Variants in TTC28 observed in about 807,000 individuals in gnomAD.
TTC28 encodes the protein tetratricopeptide repeat protein 28.
In TTC28, 61 loss-of-function variants were observed where a neutral mutation model predicts 198.0. That is an observed-to-expected ratio of 0.31 (90% CI 0.25 to 0.38). The LOEUF (loss-of-function observed/expected upper bound fraction) is 0.38. Ranked by LOEUF, TTC28 falls within the 10% of genes least tolerant of loss-of-function variation. The pLI is 1.00. For synonymous variants in TTC28, 1,171 were observed against 1,297.8 expected, an observed-to-expected ratio of 0.90 and a Z score of 2.10; for missense variants, 2,678 against 3,164.0, an observed-to-expected ratio of 0.85 and a Z score of 3.69.
At position 28,163,195 on chromosome 22, in the gene TTC28, G is replaced by A. The variant is rs1569171244; in HGVS notation, c.1338C>T (p.Cys446=). 3 of 1,551,706 alleles carry A rather than the reference G, an allele frequency of 1.9e-6. No homozygotes were observed. The East Asian group carries it at 7.3e-5, about 38-fold the overall frequency. The change falls in exon 6 of 23, where the codon TGC becomes TGT. Residue 446 remains cysteine, a synonymous_variant. Transcript: ENST00000397906. ...GTTTAGCTCTCTCCAAATCCTGCAT[G>A]CACCTGGCAGCATGGCCTAGTCCAG... The part of the protein sequence containing the change: ...AYAGLGHAAR[C]MQDLERAKQY...
chr22:28,498,135 C>A (rs1330268765), intron 2 of TTC28, among the ~76,000 whole-genome samples: 4 of 149,764 alleles, frequency 2.7e-5, no homozygotes, highest in African/African-American at 9.8e-5. Flanking sequence ...CCTGAGCCTT[C>A]CGTTAAAAAA....
At chr22:28,592,272 A>G (rs58542867) in intron 2 of TTC28, among the ~76,000 whole-genome samples, 20,709 of 151,912 alleles carry the variant, frequency 0.14, 1,659 homozygotes, top group African/African-American at 0.2. Context: ...GATAGCTTGA[A>G]CCCAAAAGTG....
intron 12 of TTC28, among the ~76,000 whole-genome samples, chr22:28,044,313 G>A (rs903477654): frequency 6.6e-6 from 1 of 152,078 alleles, no homozygotes; most frequent in Non-Finnish European, 1.5e-5. Flanking sequence ...GAAGGCAAAC[G>A]ATACATTAAC....
At chr22:28,169,218 G>A (rs897080996) in intron 5 of TTC28, among the ~76,000 whole-genome samples, 7 of 152,216 alleles carry the variant, frequency 4.6e-5, no homozygotes, top group South Asian at 4.1e-4. Context: ...CTTTTACACT[G>A]TTGGTGGGAC....
rs150259300 is a variant in TTC28, at chr22:28,222,794, G to C, written c.934-59195C>G. The stretch of plus-strand genomic sequence containing the variant: ...ATACTCAAGGTGACCCCAACAAGGA[G>C]TGGCTAGAAACAAGGCCTGAGCCGA... On this transcript the variant is annotated intron_variant, in intron 5 of 22. Coordinates refer to ENST00000397906, the MANE Select transcript of TTC28 (RefSeq NM_001145418.2). Among the ~76,000 whole-genome samples the C allele has an allele frequency of 7.2e-4, 110 of 152,342 alleles. 1 individual carries two copies. Among genetic ancestry groups the C allele is most frequent in the African/African-American group, 2.4e-3 (101 of 41,574 alleles).
At chr22:28,237,149 G>T (rs546612154) in intron 5 of TTC28, among the ~76,000 whole-genome samples, 2 of 151,994 alleles carry the variant, frequency 1.3e-5, no homozygotes, top group African/African-American at 4.8e-5. Flanking sequence ...GCTCGCTGGT[G>T]CATTCTCTCT....
In TTC28 at chr22:28,296,224, G is replaced by A; in HGVS notation, c.907C>T (p.Leu303Phe). Residue 303 changes from leucine (L) to phenylalanine (F), a missense_variant, in exon 5 of 23, where the codon CTC (leucine) becomes TTC (phenylalanine). Leu to Phe is a conservative substitution (Grantham distance 22, BLOSUM62 0). Coordinates refer to ENST00000397906, the MANE Select transcript of TTC28 (RefSeq NM_001145418.2). Reference sequence around the variant, plus strand: ...TCTCGATCTTTGAGTTTCATGGCGAGTACCAACTGATGCCTGTGGTTAGTG... The same window carrying A: ...TCTCGATCTTTGAGTTTCATGGCGAATACCAACTGATGCCTGTGGTTAGTG... The part of the protein sequence containing the change: ...ALTNHRHQLV[L>F]AMKLKDREAA... The A allele has an allele frequency of 4.5e-6, 7 of 1,549,996 alleles. No individual in the cohort carries two copies. Among genetic ancestry groups the A allele is most frequent in the Non-Finnish European group, 6.1e-6 (7 of 1,146,090 alleles).
chr22:28,349,285 T>C (rs1428108697), intron 2 of TTC28, among the ~76,000 whole-genome samples: 1 of 152,226 alleles, frequency 6.6e-6, no homozygotes. Flanking sequence ...AAAACCCCTG[T>C]AATTACATAG....
intron 6 of TTC28, among the ~76,000 whole-genome samples, chr22:28,126,675 C>T (rs185431697): frequency 2.0e-5 from 3 of 152,322 alleles, no homozygotes; most frequent in African/African-American, 4.8e-5. Flanking sequence ...GAAACTTTCT[C>T]CACAGAGCAG....
chr22:28,095,221 G>A (rs2146860364), intron 11 of TTC28, among the ~76,000 whole-genome samples: 1 of 152,148 alleles, frequency 6.6e-6, no homozygotes, highest in South Asian at 2.1e-4. Flanking sequence ...GCATTAAAAA[G>A]GTCAGCGGTA....
intron 2 of TTC28, among the ~76,000 whole-genome samples, chr22:28,618,286 A>G (rs2050934228): frequency 6.6e-6 from 1 of 152,098 alleles, no homozygotes; most frequent in Non-Finnish European, 1.5e-5. Context: ...CAATCAATCA[A>G]TCAATCAATC....
intron 8 of TTC28, among the ~76,000 whole-genome samples, chr22:28,103,606 C>T (rs1379129130): frequency 5.9e-5 from 9 of 152,096 alleles, no homozygotes; most frequent in East Asian, 1.9e-4. Context: ...GTTTGGCCCA[C>T]GAGGAAAGCC....
Position 28,417,567 on chromosome 22 carries a change from C to A in TTC28, c.382-110924G>T, listed in dbSNP as rs150597407. On this transcript the variant is annotated intron_variant, in intron 2 of 22. Transcript: ENST00000397906. ...ATAGACGACATATGGCTGACTTAGA[C>A]GACTCAGGAATTTACAAGGTTTAGA... Among the ~76,000 whole-genome samples, 513 of 152,192 alleles carry A rather than the reference C, an allele frequency of 3.4e-3. 5 individuals carry two copies. The highest frequency in any genetic ancestry group is 0.014 in the Middle Eastern group (4 of 294).
chr22:28,416,359 C>T (rs552601770), intron 2 of TTC28, among the ~76,000 whole-genome samples: 1 of 152,274 alleles, frequency 6.6e-6, no homozygotes, highest in South Asian at 2.1e-4. Context: ...CACACAATTT[C>T]CTACATAATT....
chr22:28,189,375 T>C (rs1331889130), intron 5 of TTC28, among the ~76,000 whole-genome samples: 1 of 152,000 alleles, frequency 6.6e-6, no homozygotes, highest in African/African-American at 2.4e-5. Context: ...AAATAGGATT[T>C]TTTAAAAATC....
intron 2 of TTC28, among the ~76,000 whole-genome samples, chr22:28,395,099 CA>C (rs2046793514): frequency 1.3e-5 from 2 of 152,122 alleles, no homozygotes; most frequent in Admixed American, 1.3e-4. Context: ...ATCTGGAGAT[CA>C]AAAGTACATT....
intron 2 of TTC28, among the ~76,000 whole-genome samples, chr22:28,392,504 C>A (rs1375271492): frequency 6.7e-6 from 1 of 149,808 alleles, no homozygotes; most frequent in Non-Finnish European, 1.5e-5. Flanking sequence ...ACTCCGTGGG[C>A]GTAGGACCCT....
chr22:28,181,891 CA>C (rs1008633840), intron 5 of TTC28, among the ~76,000 whole-genome samples: 5 of 151,744 alleles, frequency 3.3e-5, no homozygotes, highest in African/African-American at 1.2e-4. Flanking sequence ...AACAAACAAA[CA>C]AAAAAAACTA....
intron 2 of TTC28, among the ~76,000 whole-genome samples, chr22:28,328,523 G>A (rs961707678): frequency 2.0e-5 from 3 of 151,932 alleles, no homozygotes; most frequent in Non-Finnish European, 4.4e-5. Context: ...GGAGGCCGAG[G>A]CGGGTGGATC....
Sources: gnomAD v4.1 joint callset for allele counts (sites outside exome capture counted in the v4.1 genomes callset) on GRCh38, gnomAD v4.1.1 for gene constraint, MANE v1.5 for transcripts, NCBI Gene and HGNC (gene_info 2026-07-23, HGNC 2026-07-21) for gene names.